The following METTL15 variants were observed in gnomAD, a reference collection of about 807,000 sequenced individuals.
METTL15 encodes the protein 12S rRNA N(4)-cytidine methyltransferase METTL15.
METTL15 carries 34 observed loss-of-function variants against 38.3 expected under a neutral mutation model. The ratio of observed to expected loss-of-function variants is 0.89; its 90% CI spans 0.68 to 1.18. The LOEUF (loss-of-function observed/expected upper bound fraction) is 1.18, where lower values mean the gene tolerates loss of function less well. Ranked by LOEUF, METTL15 falls within the 50% of genes most tolerant of loss-of-function variation. METTL15 has a pLI of 0.00. For missense variants in METTL15, 438 were observed against 498.4 expected, an observed-to-expected ratio of 0.88 and a Z score of 1.15; for synonymous variants, 162 against 170.9, an observed-to-expected ratio of 0.95 and a Z score of 0.41.
At chr11:28,370,838 T>A (rs1241246171) in intron 5 of METTL15, among the ~76,000 whole-genome samples, 1 of 152,088 alleles carries the variant, frequency 6.6e-6, no homozygotes, top group East Asian at 1.9e-4. Context: ...TGTTGGTCAT[T>A]GATAGGTCTT....
At chr11:28,474,982 G>A (rs1851333355) in intron 6 of METTL15, among the ~76,000 whole-genome samples, 1 of 152,150 alleles carries the variant, frequency 6.6e-6, no homozygotes, top group Non-Finnish European at 1.5e-5. Flanking sequence ...AAGAAGCAGA[G>A]GTCCTCAATC....
At chr11:28,268,002 C>G (rs1013037552) in intron 4 of METTL15, among the ~76,000 whole-genome samples, 1 of 151,624 alleles carries the variant, frequency 6.6e-6, no homozygotes, top group Admixed American at 6.6e-5. Context: ...TCGAGACCAT[C>G]CCGGCTAAAA....
intron 3 of METTL15, among the ~76,000 whole-genome samples, chr11:28,343,339 G>A (rs925949461): frequency 3.3e-5 from 5 of 151,990 alleles, no homozygotes; most frequent in Non-Finnish European, 7.4e-5. Flanking sequence ...ACTAGAGAAA[G>A]CTATTGAATT....
chr11:28,117,182 G>GTGATATT (rs1207668647), intron 3 of METTL15, among the ~76,000 whole-genome samples: 3 of 150,444 alleles, frequency 2.0e-5, no homozygotes, highest in Non-Finnish European at 4.4e-5. Context: ...TGAAATATAT[G>GTGATATT]TGATATTTGT....
intron 6 of METTL15, among the ~76,000 whole-genome samples, chr11:28,325,752 G>T (rs904652450): frequency 1.3e-5 from 2 of 152,202 alleles, no homozygotes; most frequent in Non-Finnish European, 2.9e-5. Flanking sequence ...ACAGGTGACT[G>T]TGATGTACAG....
At chr11:28,237,931 C>T (rs1038656287) in intron 4 of METTL15, among the ~76,000 whole-genome samples, 6 of 152,280 alleles carry the variant, frequency 3.9e-5, no homozygotes, top group African/African-American at 7.2e-5. Context: ...TTTCGTGATC[C>T]GCAAATGCTG....
chr11:28,363,128 TG>T (rs1205818054), intron 5 of METTL15, among the ~76,000 whole-genome samples: 2 of 152,204 alleles, frequency 1.3e-5, no homozygotes, highest in Non-Finnish European at 2.9e-5. Context: ...CATTTTTTTA[TG>T]TGTTGTTGGC....
chr11:28,115,916 A>G (rs1851925451), intron 3 of METTL15, among the ~76,000 whole-genome samples: 2 of 133,714 alleles, frequency 1.5e-5, no homozygotes, highest in Non-Finnish European at 3.2e-5. Context: ...ATGTATACAC[A>G]GACACACACA....
At chr11:28,423,999 C>T (rs1564927284) in intron 5 of METTL15, among the ~76,000 whole-genome samples, 1 of 151,966 alleles carries the variant, frequency 6.6e-6, no homozygotes, top group Non-Finnish European at 1.5e-5. Context: ...ACTCATAAAA[C>T]TTTTTTTTAA....
chr11:28,232,409 A>G (rs1331442814), intron 4 of METTL15, among the ~76,000 whole-genome samples: 1 of 151,858 alleles, frequency 6.6e-6, no homozygotes, highest in African/African-American at 2.4e-5. Flanking sequence ...TTTATTTTTG[A>G]ATAATGCTAG....
At chr11:28,446,317 C>A (rs1000170565) in intron 6 of METTL15, among the ~76,000 whole-genome samples, 27 of 152,196 alleles carry the variant, frequency 1.8e-4, no homozygotes, top group African/African-American at 6.3e-4. Flanking sequence ...ATTTTTAAAG[C>A]CCTCCAGGGA....
intron 6 of METTL15, among the ~76,000 whole-genome samples, chr11:28,475,927 C>T (rs900309361): frequency 1.2e-4 from 19 of 152,192 alleles, no homozygotes; most frequent in Admixed American, 1.1e-3. Context: ...CTGTCCTCTC[C>T]TCCTGCTACC....
chr11:28,365,366 T>C (rs573597114), intron 5 of METTL15, among the ~76,000 whole-genome samples: 2 of 152,328 alleles, frequency 1.3e-5, no homozygotes, highest in East Asian at 3.9e-4. Flanking sequence ...GCTATTGGCC[T>C]GTTCACGTTT....
At chr11:28,267,263 T>C (rs1446352180) in intron 4 of METTL15, among the ~76,000 whole-genome samples, 9 of 151,912 alleles carry the variant, frequency 5.9e-5, no homozygotes, top group Non-Finnish European at 1.3e-4. Flanking sequence ...TTCACTTTGG[T>C]CGCTCTGGCT....
At chr11:28,469,867 T>A (rs1463605695) in intron 6 of METTL15, among the ~76,000 whole-genome samples, 3 of 152,114 alleles carry the variant, frequency 2.0e-5, no homozygotes, top group Non-Finnish European at 4.4e-5. Context: ...AATATTTTAC[T>A]TTCTGAAAAA....
intron 3 of METTL15, among the ~76,000 whole-genome samples, chr11:28,131,243 G>A (rs1283958750): frequency 6.6e-6 from 1 of 152,144 alleles, no homozygotes; most frequent in Non-Finnish European, 1.5e-5. Flanking sequence ...GAATCACCTG[G>A]CAACAGAGTT....
chr11:28,113,438 C>T lies in METTL15; in HGVS notation c.104C>T (p.Thr35Ile). The T allele has an allele frequency of 1.2e-6, 2 of 1,610,018 alleles. No individual in the cohort carries two copies. Among genetic ancestry groups the T allele is most frequent in the Non-Finnish European group, 1.7e-6 (2 of 1,178,382 alleles). ...NLGVWPNRIH[T>I]TAEKYREYEA... ...GGTGTCTGGCCAAACAGAATACATA[C>T]TACAGCAGAAAAATATAGAGAATAT... The change falls in exon 3 of 7, where the codon ACT (threonine) becomes ATT (isoleucine). Residue 35 changes from threonine to isoleucine, a missense_variant. Transcript: ENST00000407364.
intron 6 of METTL15, among the ~76,000 whole-genome samples, chr11:28,462,777 G>A (rs1279846590): frequency 6.6e-6 from 1 of 151,954 alleles, no homozygotes; most frequent in African/African-American, 2.4e-5. Flanking sequence ...TGTAACAATG[G>A]GAGAAAGGGT....
At chr11:28,132,888 C>CA (rs1247036972) in intron 3 of METTL15, among the ~76,000 whole-genome samples, 5 of 152,098 alleles carry the variant, frequency 3.3e-5, no homozygotes, top group Non-Finnish European at 7.4e-5. Context: ...TACTTACTTA[C>CA]AAAATTGGTG....
Sources: allele counts gnomAD v4.1 joint callset (sites outside exome capture counted in the v4.1 genomes callset), GRCh38; gene constraint gnomAD v4.1.1; transcripts MANE v1.5; gene names NCBI Gene and HGNC (gene_info 2026-07-23, HGNC 2026-07-21).